Variants in LEPR observed in about 807,000 individuals in gnomAD.
The protein encoded by LEPR is leptin receptor.
In LEPR, 56 loss-of-function variants were observed where a neutral mutation model predicts 114.7. The ratio of observed to expected loss-of-function variants is 0.49; its 90% CI spans 0.39 to 0.61. LEPR has a LOEUF of 0.61. Ranked by LOEUF, LEPR falls within the 20% of genes least tolerant of loss-of-function variation. The probability of loss-of-function intolerance (pLI) is 0.00; values close to 1 mark genes in which losing one functional copy is unlikely to be tolerated. For synonymous variants in LEPR, 443 were observed against 461.4 expected, an observed-to-expected ratio of 0.96 and a Z score of 0.51; for missense variants, 1,202 against 1,352.9, an observed-to-expected ratio of 0.89 and a Z score of 1.75.
chr1:65,431,957 A>C (rs762802635), intron 2 of LEPR: 1 of 1,602,132 alleles, frequency 6.2e-7, no homozygotes, highest in African/African-American at 1.4e-5. Context: ...ATTTCTTAGA[A>C]CTCATACTAT....
intron 10 of LEPR, among the ~76,000 whole-genome samples, chr1:65,602,929 A>G (rs1168115427): frequency 2.0e-5 from 3 of 152,202 alleles, no homozygotes; most frequent in Non-Finnish European, 2.9e-5. Context: ...TTACTTTTAT[A>G]ATCTGTCTTT....
At chr1:65,601,051 CATT>C (rs1351600614) in intron 8 of LEPR, among the ~76,000 whole-genome samples, 1 of 151,940 alleles carries the variant, frequency 6.6e-6, no homozygotes, top group Non-Finnish European at 1.5e-5. Flanking sequence ...GAAAATATGT[CATT>C]GTTGAATTAA....
At chr1:65,457,029 A>T (rs1646885753) in intron 2 of LEPR, among the ~76,000 whole-genome samples, 3 of 152,200 alleles carry the variant, frequency 2.0e-5, no homozygotes, top group African/African-American at 7.2e-5. Context: ...TGCAGTATAC[A>T]TTTGCAAGAA....
intron 2 of LEPR, among the ~76,000 whole-genome samples, chr1:65,547,010 G>T (rs1323643088): frequency 6.6e-6 from 1 of 152,136 alleles, no homozygotes; most frequent in Non-Finnish European, 1.5e-5. Context: ...AGAGTTTTTA[G>T]CATGAAGGGT....
intron 4 of LEPR, among the ~76,000 whole-genome samples, chr1:65,571,971 C>CAAAAAAAAAA (rs72311704): frequency 1.6e-5 from 1 of 60,646 alleles, no homozygotes; most frequent in African/African-American, 6.8e-5. Context: ...CACCCCATCT[C>CAAAAAAAAAA]AAAAAAAAAA....
At position 65,432,415 on chromosome 1, in the gene LEPR, A is replaced by AC. The variant is rs918931626; in HGVS notation, c.-21+7040dup. 3 of 806,394 alleles carry AC rather than the reference A, an allele frequency of 3.7e-6. No homozygotes were observed. In the Admixed American group the frequency reaches 1.9e-4, roughly 50 times the overall value. The allele number at this position is 806,394 out of a possible 1,614,324, so 50.0% of individuals were successfully genotyped here. ...TGCAGAATCTGAAGCCCCACTCTGG[A>AC]CCCAGGACATTTTGATGAGATCCAA... On this transcript the variant is annotated intron_variant, in intron 2 of 19. Coordinates refer to ENST00000349533, the MANE Select transcript of LEPR (RefSeq NM_002303.6).
chr1:65,460,271 CAGCT>C (rs754448673), intron 2 of LEPR, among the ~76,000 whole-genome samples: 17 of 152,154 alleles, frequency 1.1e-4, no homozygotes, highest in Admixed American at 5.2e-4. Context: ...CCAAAGAACA[CAGCT>C]AGCAAGTGCC....
chr1:65,452,050 G>C (rs1022103085), intron 2 of LEPR, among the ~76,000 whole-genome samples: 6 of 151,502 alleles, frequency 4.0e-5, no homozygotes, highest in Non-Finnish European at 7.4e-5. Context: ...ATTGTGAATG[G>C]GAGTTCACTC....
Position 65,602,588 on chromosome 1 carries a change from A to G in LEPR, c.1403+628A>G, listed in dbSNP as rs530036537. Among the ~76,000 whole-genome samples, 88 of 152,210 alleles carry G rather than the reference A, an allele frequency of 5.8e-4. 1 individual carries two copies. The highest frequency in any genetic ancestry group is 1.8e-3 in the African/African-American group (75 of 41,574). On this transcript the variant is annotated intron_variant, in intron 10 of 19. Transcript: ENST00000349533. Reference sequence around the variant, plus strand: ...ATGATACAACCCTTGATTATATAATAGATTTTTATTTTTAAAAATATCCCA... The same window carrying G: ...ATGATACAACCCTTGATTATATAATGGATTTTTATTTTTAAAAATATCCCA...
At chr1:65,462,043 C>T (rs1236927790) in intron 2 of LEPR, among the ~76,000 whole-genome samples, 2 of 152,150 alleles carry the variant, frequency 1.3e-5, no homozygotes, top group African/African-American at 2.4e-5. Context: ...GCACAATGTG[C>T]AGGTTTGTTA....
intron 2 of LEPR, among the ~76,000 whole-genome samples, chr1:65,474,662 C>G (rs1455300657): frequency 6.6e-6 from 1 of 151,976 alleles, no homozygotes; most frequent in Non-Finnish European, 1.5e-5. Flanking sequence ...CAGTCCACAG[C>G]CAAATAGAGG....
intron 2 of LEPR, among the ~76,000 whole-genome samples, chr1:65,448,753 T>A (rs1192363400): frequency 6.6e-6 from 1 of 152,232 alleles, no homozygotes; most frequent in Non-Finnish European, 1.5e-5. Context: ...TTTGGCAGAT[T>A]ATGTCTTTCA....
intron 2 of LEPR, among the ~76,000 whole-genome samples, chr1:65,551,639 A>C (rs1394357847): frequency 6.6e-6 from 1 of 151,778 alleles, no homozygotes; most frequent in Non-Finnish European, 1.5e-5. Flanking sequence ...TATTTTGTTG[A>C]TCTTTTCAAA....
chr1:65,517,398 T>C (rs905284863), intron 2 of LEPR, among the ~76,000 whole-genome samples: 3 of 152,364 alleles, frequency 2.0e-5, no homozygotes, highest in African/African-American at 7.2e-5. Flanking sequence ...GTTTCAGATT[T>C]GCCAGTTCAC....
At chr1:65,526,023 G>A (rs1302311314) in intron 2 of LEPR, 1 of 847,952 alleles carries the variant, frequency 1.2e-6, no homozygotes, top group Admixed American at 6.2e-5. Context: ...GACGCCGGGC[G>A]ACTCTCGGCT....
At chr1:65,421,590 A>G (rs889712723) in intron 1 of LEPR, 1 of 1,031,410 alleles carries the variant, frequency 9.7e-7, no homozygotes, top group Non-Finnish European at 1.4e-6. Flanking sequence ...ACATGTAGAT[A>G]GTATATATAC....
In LEPR at chr1:65,592,734, A is replaced by T. The variant is rs911209771; in HGVS notation, c.572A>T (p.His191Leu). The T allele has an allele frequency of 2.5e-6, 4 of 1,613,402 alleles. No individual in the cohort carries two copies. The highest frequency in any genetic ancestry group is 2.5e-6 in the Non-Finnish European group (3 of 1,179,510). Reference protein sequence around the residue: ...FQMVHCNCSVHECCECLVPVP... With the variant: ...FQMVHCNCSVLECCECLVPVP... The stretch of plus-strand genomic sequence containing the variant: ...ATGGTTCACTGCAATTGCAGTGTTC[A>T]TGAATGTTGTGAATGTCTTGTGCCT... The change falls in exon 6 of 20, where the codon CAT becomes CTT. Residue 191 changes from histidine (H) to leucine (L), a missense_variant. His to Leu is a moderately conservative substitution (Grantham distance 99). Transcript: ENST00000349533.
At chr1:65,610,347 A>T in intron 14 of LEPR, 51 bp downstream of exon 14, 1 of 1,432,678 alleles carries the variant, frequency 7.0e-7, no homozygotes, top group African/African-American at 1.4e-5. Context: ...TACTCTTAAA[A>T]ATTTACTTCA....
chr1:65,434,068 G>T lies in LEPR; in HGVS notation c.-21+8690G>T, dbSNP rs181037966. The T allele has an allele frequency of 1.2e-5, 12 of 985,246 alleles. No individual in the cohort carries two copies. The Admixed American group carries it at 7.4e-4, about 60-fold the overall frequency. The allele number at this position is 985,246 out of a possible 1,614,324, so 61.0% of individuals were successfully genotyped here. The stretch of plus-strand genomic sequence containing the variant: ...ATACACATTTTCAATAACCAAGGTA[G>T]CCTTCATATGTAGCCTTAAAGCATT... On this transcript the variant is annotated intron_variant, in intron 2 of 19. Coordinates refer to ENST00000349533, the MANE Select transcript of LEPR (RefSeq NM_002303.6).
Sources: allele counts gnomAD v4.1 joint callset (sites outside exome capture counted in the v4.1 genomes callset), GRCh38; gene constraint gnomAD v4.1.1; transcripts MANE v1.5; gene names NCBI Gene and HGNC (gene_info 2026-07-23, HGNC 2026-07-21).